DERL1: variants seen among roughly 807,000 people sequenced by gnomAD.
DERL1 encodes the protein derlin 1.
A neutral mutation model predicts 41.6 loss-of-function variants in DERL1; 24 were observed. That is an observed-to-expected ratio of 0.58 (90% CI 0.42 to 0.81). The LOEUF (loss-of-function observed/expected upper bound fraction) is 0.81, where lower values mean the gene tolerates loss of function less well. Ranked by LOEUF, DERL1 falls within the 30% of genes least tolerant of loss-of-function variation. The probability of loss-of-function intolerance (pLI) is 0.00; values close to 1 mark genes in which losing one functional copy is unlikely to be tolerated. For synonymous variants in DERL1, 124 were observed against 112.5 expected (o/e 1.10, Z -0.65); for missense variants, 260 against 314.3 (o/e 0.83, Z 1.31).
chr8:123,013,554 T>C lies in DERL1; in HGVS notation c.*1893A>G, dbSNP rs1414672129. The C allele has an allele frequency of 6.6e-6, 1 of 152,210 alleles. No homozygotes were observed. Among genetic ancestry groups the C allele is most frequent in the Non-Finnish European group, 1.5e-5 (1 of 68,038 alleles). The allele number at this position is 152,210 out of a possible 1,614,324, so 9.4% of individuals were successfully genotyped here. A position where few individuals can be genotyped will look rare whatever the true frequency, so the allele number is the denominator to read the frequency against. The stretch of plus-strand genomic sequence containing the variant: ...AATCCAGACAAAATCAATAACGTCA[T>C]CAGCTTCCTAACCATGTTTAAGAGG... On this transcript the variant is annotated 3_prime_UTR_variant, in exon 8 of 8. Transcript: ENST00000259512.
At position 123,014,807 on chromosome 8, in the gene DERL1, T is replaced by A. The variant is rs1814510438; in HGVS notation, c.*640A>T. 1 of 152,218 alleles carries A rather than the reference T, an allele frequency of 6.6e-6. No individual in the cohort carries two copies. Among genetic ancestry groups the A allele is most frequent in the Non-Finnish European group, 1.5e-5 (1 of 68,044 alleles). 9.4% of individuals were successfully genotyped at this position (152,218 alleles called of 1,614,324 possible). A position where few individuals can be genotyped will look rare whatever the true frequency, so the allele number is the denominator to read the frequency against. ...TCAGTGGTACTTTTTTATAAAAATATCTGAAGAAGTGGCAAACGGTTACAA... is the reference window on the plus strand; with the variant it reads ...TCAGTGGTACTTTTTTATAAAAATAACTGAAGAAGTGGCAAACGGTTACAA... On this transcript the variant is annotated 3_prime_UTR_variant, in exon 8 of 8. Transcript: ENST00000259512.
In DERL1 at chr8:123,019,309, CAA is replaced by C; in HGVS notation, c.507-6_507-5del. 6.3e-7 allele frequency: 1 copy of C among 1,587,528 alleles called. No individual in the cohort carries two copies. Among genetic ancestry groups the C allele is most frequent in the Non-Finnish European group, 8.6e-7 (1 of 1,156,432 alleles). On this transcript the variant is annotated splice_region_variant and splice_polypyrimidine_tract_variant and intron_variant, in intron 6 of 7. Coordinates refer to ENST00000259512, the MANE Select transcript of DERL1 (RefSeq NM_024295.6). Reference sequence around the variant, plus strand: ...TCCAATAAGCTCATTGATTACCCTGCAAAGAGAGCCAAATGAGTTTAAAGACA... The same window carrying C: ...TCCAATAAGCTCATTGATTACCCTGCAGAGAGCCAAATGAGTTTAAAGACA...
intron 4 of DERL1, 22 bp downstream of exon 4, chr8:123,023,691 G>A (rs1380888377): frequency 6.2e-7 from 1 of 1,601,424 alleles, no homozygotes. Context: ...AGGGCAAATA[G>A]ATAGTTTAAA....
chr8:123,034,464 T>C (rs539983493), intron 1 of DERL1, among the ~76,000 whole-genome samples: 52 of 152,310 alleles, frequency 3.4e-4, no homozygotes, highest in Non-Finnish European at 6.5e-4. Context: ...TTAATTTTTT[T>C]AAAGAAATCA....
chr8:123,024,434 A>AGCT (rs1586462306), intron 3 of DERL1, among the ~76,000 whole-genome samples: 1 of 152,154 alleles, frequency 6.6e-6, no homozygotes, highest in East Asian at 1.9e-4. Context: ...AGACATCGAG[A>AGCT]GCTGCTGCTG....
At chr8:123,040,551 G>T (rs1813030407) in intron 1 of DERL1, among the ~76,000 whole-genome samples, 1 of 152,188 alleles carries the variant, frequency 6.6e-6, no homozygotes, top group Admixed American at 6.5e-5. Flanking sequence ...AAAGGACTTG[G>T]ATTTTACTCA....
At chr8:123,030,872 T>G in intron 1 of DERL1, 156 bp from the exon 2 acceptor site, 1 of 616,570 alleles carries the variant, frequency 1.6e-6, no homozygotes, top group East Asian at 3.0e-5. Context: ...AGAAAAGTGT[T>G]CACACCAAAT....
chr8:123,038,665 G>A (rs1224987336), intron 1 of DERL1, among the ~76,000 whole-genome samples: 2 of 152,140 alleles, frequency 1.3e-5, no homozygotes, highest in Non-Finnish European at 2.9e-5. Flanking sequence ...ACACAAGTGA[G>A]GATTTTGCTA....
intron 1 of DERL1, among the ~76,000 whole-genome samples, chr8:123,038,215 TA>T (rs1443109140): frequency 6.6e-6 from 1 of 152,198 alleles, no homozygotes; most frequent in African/African-American, 2.4e-5. Flanking sequence ...CCCATTTTTG[TA>T]AGTTGTGAAA....
chr8:123,014,115 C>T lies in DERL1; in HGVS notation c.*1332G>A, dbSNP rs1338237930. The T allele has an allele frequency of 6.6e-6, 1 of 152,206 alleles. No homozygotes were observed. Among genetic ancestry groups the T allele is most frequent in the East Asian group, 1.9e-4 (1 of 5,190 alleles). The allele number at this position is 152,206 out of a possible 1,614,324, so 9.4% of individuals were successfully genotyped here. A position where few individuals can be genotyped will look rare whatever the true frequency, so the allele number is the denominator to read the frequency against. On this transcript the variant is annotated 3_prime_UTR_variant, in exon 8 of 8. Coordinates refer to ENST00000259512, the MANE Select transcript of DERL1 (RefSeq NM_024295.6). ...CTCCTAACAGTCTGCTTTCAGATAA[C>T]GTCATAAAATAAAATAACTGTGTGA...
In DERL1 at chr8:123,019,232, A is replaced by G. The variant is rs571672566; in HGVS notation, c.580T>C (p.Leu194=). The G allele has an allele frequency of 6.7e-5, 108 of 1,613,976 alleles. No individual in the cohort carries two copies. The highest frequency in any genetic ancestry group is 8.7e-5 in the Non-Finnish European group (103 of 1,179,930). Reference sequence around the variant, plus strand: ...GTGGATAGAAAATTTCTTCCTCCCAAGTCCATTGGGTATCTGAACATTAGG... The same window carrying G: ...GTGGATAGAAAATTTCTTCCTCCCAGGTCCATTGGGTATCTGAACATTAGG... The part of the protein sequence containing the change: ...FFLMFRYPMD[L]GGRNFLSTPQ... The change falls in exon 7 of 8, where the codon TTG becomes CTG. Residue 194 remains leucine, a synonymous_variant. Coordinates refer to ENST00000259512, the MANE Select transcript of DERL1 (RefSeq NM_024295.6).
intron 2 of DERL1, among the ~76,000 whole-genome samples, chr8:123,029,724 T>C (rs1812779200): frequency 6.6e-6 from 1 of 152,188 alleles, no homozygotes; most frequent in Admixed American, 6.6e-5. Flanking sequence ...GACAATTCAG[T>C]AAGACACTTT....
intron 3 of DERL1, 50 bp downstream of exon 3, chr8:123,024,936 T>C: frequency 1.0e-5 from 16 of 1,589,354 alleles, no homozygotes; most frequent in Non-Finnish European, 1.4e-5. Context: ...TCCCCAAACC[T>C]GGAAAAAAAC....
intron 1 of DERL1, among the ~76,000 whole-genome samples, chr8:123,034,743 C>G (rs1380497041): frequency 6.6e-6 from 1 of 152,176 alleles, no homozygotes; most frequent in Non-Finnish European, 1.5e-5. Context: ...GAAATAGACT[C>G]AGAGTAAACC....
chr8:123,032,725 C>T (rs1284858965), intron 1 of DERL1, among the ~76,000 whole-genome samples: 4 of 152,162 alleles, frequency 2.6e-5, no homozygotes, highest in African/African-American at 9.7e-5. Context: ...GAGTAACCCA[C>T]ATTTTTTCCA....
intron 3 of DERL1, among the ~76,000 whole-genome samples, 156 bp downstream of exon 3, chr8:123,024,830 A>C: frequency 6.6e-6 from 1 of 152,352 alleles, no homozygotes. Flanking sequence ...ATGATTTACT[A>C]CAGTTTTTTT....
Position 123,031,610 on chromosome 8 carries a change from A to C in DERL1, c.154-894T>G, listed in dbSNP as rs549508318. Among the ~76,000 whole-genome samples, 3 of 152,140 alleles carry C rather than the reference A, an allele frequency of 2.0e-5. No homozygotes were observed. In the South Asian group the frequency reaches 6.2e-4, roughly 32 times the overall value. ...AAGTAACAAGTAAGCCTCATTCCCAACCTCCAGTCTCCCAGTTCCCCAACA... is the reference window on the plus strand; with the variant it reads ...AAGTAACAAGTAAGCCTCATTCCCACCCTCCAGTCTCCCAGTTCCCCAACA... On this transcript the variant is annotated intron_variant, in intron 1 of 7. Coordinates refer to ENST00000259512, the MANE Select transcript of DERL1 (RefSeq NM_024295.6).
intron 1 of DERL1, among the ~76,000 whole-genome samples, chr8:123,036,320 T>C (rs1459983741): frequency 6.6e-6 from 1 of 152,172 alleles, no homozygotes; most frequent in South Asian, 2.1e-4. Context: ...TGCAACAATA[T>C]GGGTGACTCT....
rs984137470 is a variant in DERL1 at position 123,015,719 on chromosome 8, G to A, written c.618-134C>T. The A allele has an allele frequency of 5.4e-5, 62 of 1,149,606 alleles. No individual in the cohort carries two copies. The East Asian group carries it at 5.5e-4, about 10-fold the overall frequency. The allele number at this position is 1,149,606 out of a possible 1,614,324, so 71.2% of individuals were successfully genotyped here. ...TGTCATGTTGAAGGCAGCGAGGGAC[G>A]TCTTATTTAACTTTGTCTTTTCTGT... On this transcript the variant is annotated intron_variant, in intron 7 of 7. Coordinates refer to ENST00000259512, the MANE Select transcript of DERL1 (RefSeq NM_024295.6).
Sources: allele counts gnomAD v4.1 joint callset (sites outside exome capture counted in the v4.1 genomes callset), GRCh38; gene constraint gnomAD v4.1.1; transcripts MANE v1.5; gene names NCBI Gene and HGNC (gene_info 2026-07-23, HGNC 2026-07-21).